Variants in BMP2K observed in about 807,000 individuals in gnomAD.
The protein encoded by BMP2K is BMP2 inducible kinase, also known as BMP-2-inducible protein kinase.
In BMP2K, 74 loss-of-function variants were observed where a neutral mutation model predicts 116.0. That is an observed-to-expected ratio of 0.64 (90% confidence interval 0.53 to 0.77). The LOEUF (loss-of-function observed/expected upper bound fraction) is 0.77. Among genes scored for constraint, BMP2K ranks in the 30% least tolerant of loss-of-function variants. BMP2K has a pLI of 0.00. For missense variants in BMP2K, 1,365 were observed against 1,403.6 expected (o/e 0.97, Z 0.44); for synonymous variants, 486 against 502.5 (o/e 0.97, Z 0.44).
intron 3 of BMP2K, among the ~76,000 whole-genome samples, chr4:78,834,301 G>A (rs1332206752): frequency 3.4e-5 from 5 of 145,904 alleles, no homozygotes; most frequent in Non-Finnish European, 6.0e-5. Context: ...TCGCTCTGTC[G>A]CCCAGGCTAG....
At chr4:78,778,001 A>G (rs766241743) in intron 1 of BMP2K, among the ~76,000 whole-genome samples, 2 of 152,248 alleles carry the variant, frequency 1.3e-5, no homozygotes, top group Non-Finnish European at 2.9e-5. Flanking sequence ...GGTCTTTATA[A>G]AAGATTTACT....
chr4:78,856,718 A>C (rs1233722123), intron 7 of BMP2K, among the ~76,000 whole-genome samples: 1 of 152,128 alleles, frequency 6.6e-6, no homozygotes, highest in Non-Finnish European at 1.5e-5. Flanking sequence ...TTGCAGAATG[A>C]AATTTAGATC....
intron 2 of BMP2K, among the ~76,000 whole-genome samples, chr4:78,832,039 C>T (rs115076295): frequency 6.5e-4 from 99 of 152,164 alleles, no homozygotes; most frequent in African/African-American, 2.2e-3. Context: ...AATAATATCC[C>T]ATTATATGTC....
chr4:78,883,551 A>C (rs1389149355), intron 14 of BMP2K, among the ~76,000 whole-genome samples: 1 of 152,188 alleles, frequency 6.6e-6, no homozygotes, highest in East Asian at 1.9e-4. Context: ...AGTATCTTCC[A>C]TATTTTTACT....
intron 1 of BMP2K, among the ~76,000 whole-genome samples, chr4:78,786,792 CTG>C (rs1215880595): frequency 2.6e-5 from 4 of 152,168 alleles, no homozygotes; most frequent in Non-Finnish European, 5.9e-5. Context: ...TGCGTAGCAA[CTG>C]TTACTCATAT....
chr4:78,785,896 T>C (rs1560498441), intron 1 of BMP2K, among the ~76,000 whole-genome samples: 1 of 152,200 alleles, frequency 6.6e-6, no homozygotes, highest in Non-Finnish European at 1.5e-5. Context: ...AAAATGGACT[T>C]ATGCTCATGT....
At chr4:78,877,347 C>T (rs1732680820) in intron 13 of BMP2K, among the ~76,000 whole-genome samples, 1 of 152,090 alleles carries the variant, frequency 6.6e-6, no homozygotes, top group African/African-American at 2.4e-5. Context: ...CAAACATGTA[C>T]AACTGTACAA....
intron 15 of BMP2K, among the ~76,000 whole-genome samples, chr4:78,891,451 G>A (rs751602818): frequency 3.3e-5 from 5 of 152,098 alleles, no homozygotes; most frequent in Non-Finnish European, 7.4e-5. Flanking sequence ...ATATGCTTTG[G>A]TAATTTTTTC....
Position 78,776,535 on chromosome 4 carries a change from G to T in BMP2K, c.-9G>T, listed in dbSNP as rs1177152049. On this transcript the variant is annotated 5_prime_UTR_variant, in exon 1 of 16. Coordinates refer to ENST00000502613, the MANE Select transcript of BMP2K (RefSeq NM_198892.2). ...CGCTCCCTGCGCCCTCCAGCTCGCC[G>T]GCGGGACCATGAAGAAGTTCTCTCG... 1 of 1,144,184 alleles carries T rather than the reference G, an allele frequency of 8.7e-7. No homozygotes were observed. The highest frequency in any genetic ancestry group is 1.1e-6 in the Non-Finnish European group (1 of 928,016). 70.9% of individuals were successfully genotyped at this position (1,144,184 alleles called of 1,614,324 possible).
chr4:78,859,334 T>A (rs967005193), intron 7 of BMP2K: 23 of 300,498 alleles, frequency 7.7e-5, no homozygotes, highest in Non-Finnish European at 1.3e-4. Flanking sequence ...TTCAATAGAA[T>A]AATCAAGTTT....
chr4:78,847,303 C>A, intron 6 of BMP2K, 34 bp downstream of exon 6: 2 of 1,470,996 alleles, frequency 1.4e-6, no homozygotes, highest in South Asian at 1.3e-5. Context: ...TTGCTCTAAC[C>A]AAATTAAAAA....
At chr4:78,788,710 A>T (rs1320476946) in intron 1 of BMP2K, among the ~76,000 whole-genome samples, 7 of 143,804 alleles carry the variant, frequency 4.9e-5, no homozygotes, top group South Asian at 2.1e-4. Context: ...TTTTTTTTTT[A>T]AATATGTGTT....
In BMP2K at chr4:78,865,719, A is replaced by C. The variant is rs372889119; in HGVS notation, c.1230A>C (p.Lys410Asn). The stretch of plus-strand genomic sequence containing the variant: ...GTGAATTCGGTAACCATAGACCAAA[A>C]GGTAATAGAGCCCCGCCAACCTCAT... Reference protein sequence around the residue: ...APGEFGNHRPKGALRPGNGPE... With the variant: ...APGEFGNHRPNGALRPGNGPE... Residue 410 changes from lysine to asparagine, a missense_variant and splice_region_variant, in exon 10 of 16, where the codon AAA becomes AAC. Around this residue, in one of 3 missense-constraint regions of BMP2K, gnomAD observed 762 missense variants for 756.7 expected, o/e 1.01. Coordinates refer to ENST00000502613, the MANE Select transcript of BMP2K (RefSeq NM_198892.2). The C allele has an allele frequency of 6.2e-7, 1 of 1,613,666 alleles. No individual in the cohort carries two copies. Among genetic ancestry groups the C allele is most frequent in the Non-Finnish European group, 8.5e-7 (1 of 1,179,744 alleles).
Position 78,826,046 on chromosome 4 carries a change from C to G in BMP2K, c.188C>G (p.Ser63Cys). The stretch of plus-strand genomic sequence containing the variant: ...TGCTTTGTTTTTCTAGGTGGATTCT[C>G]CACAGTTTTCCTCGTGCGTACTCAC... ...LEESLAEGGF[S>C]TVFLVRTHGG... Residue 63 changes from serine to cysteine, a missense_variant, in exon 2 of 16, where the codon TCC becomes TGC. Around this residue, in one of 3 missense-constraint regions of BMP2K, gnomAD observed 762 missense variants for 756.7 expected, o/e 1.01. Coordinates refer to ENST00000502613, the MANE Select transcript of BMP2K (RefSeq NM_198892.2). 4 of 1,611,874 alleles carry G rather than the reference C, an allele frequency of 2.5e-6. No individual in the cohort carries two copies. The highest frequency in any genetic ancestry group is 3.4e-6 in the Non-Finnish European group (4 of 1,179,012).
intron 1 of BMP2K, among the ~76,000 whole-genome samples, chr4:78,782,089 C>T (rs569624832): frequency 3.9e-5 from 6 of 152,304 alleles, no homozygotes; most frequent in Admixed American, 1.3e-4. Context: ...ATACTCTTTG[C>T]GCCTGGTGCA....
chr4:78,776,644 C>T lies in BMP2K; in HGVS notation c.101C>T (p.Ser34Phe), dbSNP rs1727255973. 1.6e-6 allele frequency: 2 copies of T among 1,221,538 alleles called. No individual in the cohort carries two copies. Among genetic ancestry groups the T allele is most frequent in the East Asian group, 6.5e-5 (2 of 30,618 alleles). 75.7% of individuals were successfully genotyped at this position (1,221,538 alleles called of 1,614,324 possible). Residue 34 changes from serine (S) to phenylalanine (F), a missense_variant, in exon 1 of 16, where the codon TCC becomes TTC. By Grantham distance (155) the Ser-to-Phe change is radical. This residue lies in a region of BMP2K where 762 missense variants were observed against 756.7 expected (regional missense o/e 1.01). Coordinates refer to ENST00000502613, the MANE Select transcript of BMP2K (RefSeq NM_198892.2). ...GCCGGGGCCGGGGCCGGCTGCGGCT[C>T]CGGCGGCTCGTCCGTGGGGGTCCGG... ...GGAGAGAGCG[S>F]GGSSVGVRVF...
At chr4:78,788,279 G>T (rs1349620224) in intron 1 of BMP2K, among the ~76,000 whole-genome samples, 1 of 151,948 alleles carries the variant, frequency 6.6e-6, no homozygotes, top group African/African-American at 2.4e-5. Flanking sequence ...GGGTATATGT[G>T]CTCAGATGTG....
At chr4:78,894,313 C>T (rs1733589174) in intron 15 of BMP2K, among the ~76,000 whole-genome samples, 3 of 152,192 alleles carry the variant, frequency 2.0e-5, no homozygotes, top group Admixed American at 6.5e-5. Flanking sequence ...ATGGCATCTT[C>T]CAATAGAAGG....
At chr4:78,817,720 G>T in intron 1 of BMP2K, among the ~76,000 whole-genome samples, 1 of 152,156 alleles carries the variant, frequency 6.6e-6, no homozygotes, top group East Asian at 1.9e-4. Flanking sequence ...CAGAGGTAGG[G>T]GGTCGGGGGA....
Sources: allele counts gnomAD v4.1 joint callset (sites outside exome capture counted in the v4.1 genomes callset), GRCh38; gene constraint gnomAD v4.1.1; regional missense constraint gnomAD v4.1.1; transcripts MANE v1.5; gene names NCBI Gene and HGNC (gene_info 2026-07-23, HGNC 2026-07-21).